ADAMTSL3: variants seen among roughly 807,000 people sequenced by gnomAD.
ADAMTSL3 encodes the protein ADAMTS like 3, also known as ADAMTS-like protein 3.
ADAMTSL3 carries 128 observed loss-of-function variants against 201.7 expected under a neutral mutation model. That is an observed-to-expected ratio of 0.63 (90% CI 0.55 to 0.73). The LOEUF (loss-of-function observed/expected upper bound fraction) is 0.73, where lower values mean the gene tolerates loss of function less well. Among genes scored for constraint, ADAMTSL3 ranks in the 30% least tolerant of loss-of-function variants. The probability of loss-of-function intolerance (pLI) is 0.00; values close to 1 mark genes in which losing one functional copy is unlikely to be tolerated. For synonymous variants in ADAMTSL3, 738 were observed against 748.4 expected (o/e 0.99, Z 0.23); for missense variants, 1,990 against 2,119.6 (o/e 0.94, Z 1.20).
intron 20 of ADAMTSL3, 92 bp downstream of exon 20, chr15:83,970,729 A>T: frequency 6.7e-7 from 1 of 1,503,404 alleles, no homozygotes; most frequent in South Asian, 1.2e-5. Context: ...ACAGATTTCT[A>T]ATCTGTGGGT....
At chr15:83,888,413 T>G (rs1014078474) in intron 10 of ADAMTSL3, among the ~76,000 whole-genome samples, 1 of 149,442 alleles carries the variant, frequency 6.7e-6, no homozygotes, top group Non-Finnish European at 1.5e-5. Context: ...ATTTTTTTTT[T>G]CTGACTCAAG....
intron 7 of ADAMTSL3, among the ~76,000 whole-genome samples, chr15:83,848,832 A>G (rs2064553099): frequency 6.6e-6 from 1 of 152,238 alleles, no homozygotes; most frequent in Non-Finnish European, 1.5e-5. Flanking sequence ...ACATGGTTTT[A>G]ATAATAACTT....
chr15:83,850,963 TC>T (rs1310360753), intron 7 of ADAMTSL3, among the ~76,000 whole-genome samples: 1 of 152,202 alleles, frequency 6.6e-6, no homozygotes, highest in Non-Finnish European at 1.5e-5. Context: ...CCCGTGCTGC[TC>T]AAAATGTGGC....
intron 17 of ADAMTSL3, among the ~76,000 whole-genome samples, chr15:83,935,324 C>G (rs1401013776): frequency 6.6e-6 from 1 of 152,110 alleles, no homozygotes; most frequent in African/African-American, 2.4e-5. Context: ...GTCTGTCATT[C>G]TGATGGATCA....
intron 19 of ADAMTSL3, among the ~76,000 whole-genome samples, chr15:83,952,768 T>G (rs930464511): frequency 3.4e-5 from 5 of 148,032 alleles, no homozygotes; most frequent in Admixed American, 6.8e-5. Flanking sequence ...ATCGTGCCAC[T>G]GCACTCCAGC....
chr15:83,728,988 C>A (rs2062224385), intron 3 of ADAMTSL3, among the ~76,000 whole-genome samples: 1 of 152,066 alleles, frequency 6.6e-6, no homozygotes, highest in South Asian at 2.1e-4. Flanking sequence ...GTCCTTATTT[C>A]TCCTTCATGT....
At chr15:83,676,946 T>A (rs184957307) in intron 2 of ADAMTSL3, among the ~76,000 whole-genome samples, 4 of 152,382 alleles carry the variant, frequency 2.6e-5, no homozygotes, top group African/African-American at 9.6e-5. Context: ...AATACATTTC[T>A]GTTTTTTATA....
intron 2 of ADAMTSL3, among the ~76,000 whole-genome samples, chr15:83,669,452 GGTTTTTTTTTT>G (rs1369758206): frequency 1.7e-4 from 20 of 117,818 alleles, no homozygotes; most frequent in African/African-American, 6.4e-4. Flanking sequence ...CCGGGAGTGA[GGTTTTTTTTTT>G]TTTTTTTTTT....
intron 6 of ADAMTSL3, among the ~76,000 whole-genome samples, chr15:83,829,270 C>G (rs1048132761): frequency 3.9e-5 from 6 of 152,056 alleles, no homozygotes; most frequent in African/African-American, 1.4e-4. Context: ...TGTATGTGTC[C>G]AGGAATTTAT....
chr15:83,759,767 T>C (rs1408083996), intron 3 of ADAMTSL3, among the ~76,000 whole-genome samples: 3 of 152,186 alleles, frequency 2.0e-5, no homozygotes, highest in African/African-American at 4.8e-5. Flanking sequence ...CAGAAGAGTT[T>C]GTCCTGCCTT....
chr15:83,926,047 A>G (rs2066239977), intron 17 of ADAMTSL3, among the ~76,000 whole-genome samples: 1 of 152,224 alleles, frequency 6.6e-6, no homozygotes, highest in Non-Finnish European at 1.5e-5. Flanking sequence ...GTAGATGTTA[A>G]ATAAACAGCG....
chr15:83,718,916 G>A (rs1378625469), intron 3 of ADAMTSL3, among the ~76,000 whole-genome samples: 1 of 151,976 alleles, frequency 6.6e-6, no homozygotes, highest in Non-Finnish European at 1.5e-5. Context: ...CAATATCACT[G>A]GATAACCAAA....
At chr15:83,847,406 A>G (rs914077626) in intron 7 of ADAMTSL3, among the ~76,000 whole-genome samples, 1 of 152,122 alleles carries the variant, frequency 6.6e-6, no homozygotes, top group African/African-American at 2.4e-5. Context: ...CTGCTCCTAC[A>G]GAATGACAGA....
At chr15:83,800,908 C>T (rs549060404) in intron 4 of ADAMTSL3, among the ~76,000 whole-genome samples, 1 of 152,148 alleles carries the variant, frequency 6.6e-6, no homozygotes, top group South Asian at 2.1e-4. Context: ...TTCTTTTGTT[C>T]ATACGTAAAA....
At chr15:83,825,537 T>G (rs924210427) in intron 6 of ADAMTSL3, among the ~76,000 whole-genome samples, 7 of 152,072 alleles carry the variant, frequency 4.6e-5, no homozygotes, top group African/African-American at 1.7e-4. Context: ...AGGATTCGCT[T>G]GAGTCCAGGT....
chr15:84,021,375 TG>T (rs748741370), intron 25 of ADAMTSL3, 34 bp from the exon 26 acceptor site: 3 of 1,610,786 alleles, frequency 1.9e-6, no homozygotes, highest in East Asian at 4.5e-5. Context: ...ATTTCTCTTT[TG>T]GGGCTGGCAT....
At chr15:84,016,219 C>A (rs1357551551) in intron 24 of ADAMTSL3, among the ~76,000 whole-genome samples, 164 bp from the exon 25 acceptor site, 1 of 152,208 alleles carries the variant, frequency 6.6e-6, no homozygotes, top group African/African-American at 2.4e-5. Context: ...CACGTCCATA[C>A]TTATACACAC....
At chr15:83,935,338 C>G (rs917323343) in intron 17 of ADAMTSL3, among the ~76,000 whole-genome samples, 4 of 152,058 alleles carry the variant, frequency 2.6e-5, no homozygotes, top group Non-Finnish European at 5.9e-5. Flanking sequence ...TGGATCATGA[C>G]TAGTGCATTC....
At chr15:83,960,422 T>C (rs2066945032) in intron 19 of ADAMTSL3, among the ~76,000 whole-genome samples, 1 of 152,104 alleles carries the variant, frequency 6.6e-6, no homozygotes, top group Non-Finnish European at 1.5e-5. Flanking sequence ...AGGGTATAGA[T>C]TTCCCTAGGA....
Sources: gnomAD v4.1 joint callset for allele counts (sites outside exome capture counted in the v4.1 genomes callset) on GRCh38, gnomAD v4.1.1 for gene constraint, MANE v1.5 for transcripts, NCBI Gene and HGNC (gene_info 2026-07-23, HGNC 2026-07-21) for gene names.